Variants in KLF3 observed in about 807,000 individuals in gnomAD.
The protein encoded by KLF3 is Krueppel-like factor 3.
Under a neutral mutation model 32.7 loss-of-function variants are expected in KLF3, and 6 were observed. The observed-to-expected ratio is 0.18, with a 90% CI of 0.10 to 0.36. The LOEUF (loss-of-function observed/expected upper bound fraction) is 0.36, where lower values mean the gene tolerates loss of function less well. Ranked by LOEUF, KLF3 falls within the 10% of genes least tolerant of loss-of-function variation. KLF3 has a pLI of 1.00. For missense variants in KLF3, 338 were observed against 449.7 expected, an observed-to-expected ratio of 0.75 and a Z score of 2.25; for synonymous variants, 145 against 172.8, an observed-to-expected ratio of 0.84 and a Z score of 1.26.
At chr4:38,667,441 C>T (rs1722079183) in intron 1 of KLF3, among the ~76,000 whole-genome samples, 1 of 152,210 alleles carries the variant, frequency 6.6e-6, no homozygotes, top group Non-Finnish European at 1.5e-5. Context: ...CTTGATATTG[C>T]TTAAGACGCC....
rs1470040557 is a variant in KLF3, at chr4:38,699,936, T to C, written c.*2673T>C. The C allele has an allele frequency of 6.6e-6, 1 of 152,232 alleles. No individual in the cohort carries two copies. The highest frequency in any genetic ancestry group is 2.4e-5 in the African/African-American group (1 of 41,464). 9.4% of individuals were successfully genotyped at this position (152,232 alleles called of 1,614,324 possible). A position where few individuals can be genotyped will look rare whatever the true frequency, so the allele number is the denominator to read the frequency against. ...GATGCCCTTGAACATGTTTTAATGATGTGTGTCATGTTACTATCAATGGTG... is the reference window on the plus strand; with the variant it reads ...GATGCCCTTGAACATGTTTTAATGACGTGTGTCATGTTACTATCAATGGTG... On this transcript the variant is annotated 3_prime_UTR_variant, in exon 6 of 6. Transcript: ENST00000261438.
chr4:38,672,433 G>C (rs961022720), intron 1 of KLF3, among the ~76,000 whole-genome samples: 1 of 152,252 alleles, frequency 6.6e-6, no homozygotes, highest in African/African-American at 2.4e-5. Context: ...AGGCGGCCTT[G>C]GATCCCCCAG....
In KLF3 at chr4:38,694,758, G is replaced by A. The variant is rs138417483; in HGVS notation, c.708G>A (p.Ser236=). ...TTGGCTTTCACAGGAATCACCCTTC[G>A]GTCATCGTGCAGCCTGGGAAGAGAC... ...PQALLQENHP[S]VIVQPGKRPL... The change falls in exon 5 of 6, where the codon TCG becomes TCA. Residue 236 remains serine, a synonymous_variant. Coordinates refer to ENST00000261438, the MANE Select transcript of KLF3 (RefSeq NM_016531.6). 6.5e-4 allele frequency: 1,015 copies of A among 1,566,980 alleles called. No homozygotes were observed. Among genetic ancestry groups the A allele is most frequent in the Non-Finnish European group, 7.7e-4 (891 of 1,164,458 alleles).
chr4:38,674,908 T>G lies in KLF3; in HGVS notation c.-39-5679T>G, dbSNP rs764572929. Among the ~76,000 whole-genome samples the G allele has an allele frequency of 3.3e-5, 5 of 152,180 alleles. No homozygotes were observed. Among genetic ancestry groups the G allele is most frequent in the African/African-American group, 4.8e-5 (2 of 41,446 alleles). The stretch of plus-strand genomic sequence containing the variant: ...TGCTCTAGCCTCCAGGCAAGCTGCT[T>G]TCAGAGGAGGTTTAGTAACCCCCTA... On this transcript the variant is annotated intron_variant, in intron 1 of 5. Coordinates refer to ENST00000261438, the MANE Select transcript of KLF3 (RefSeq NM_016531.6). This position sits in a 1 kb window ranked among gnomAD's most constrained non-coding sequence, Gnocchi z 4.1.
At chr4:38,677,196 A>T (rs1242751712) in intron 1 of KLF3, among the ~76,000 whole-genome samples, 1 of 151,868 alleles carries the variant, frequency 6.6e-6, no homozygotes, top group Non-Finnish European at 1.5e-5. Flanking sequence ...TCCTATCCTC[A>T]GTGATCCACC....
chr4:38,690,611 G>A (rs1722848610), intron 4 of KLF3: 1 of 152,220 alleles, frequency 6.6e-6, no homozygotes, highest in Non-Finnish European at 1.5e-5. Context: ...GATTGTAGTT[G>A]TGATTGTCTT....
chr4:38,664,891 G>A (rs1267726405), intron 1 of KLF3: 1 of 152,082 alleles, frequency 6.6e-6, no homozygotes, highest in Non-Finnish European at 1.5e-5. Context: ...TTTGGAGAAA[G>A]GTAGCGCCGC....
intron 2 of KLF3, 44 bp downstream of exon 2, chr4:38,680,726 T>C (rs758440170): frequency 1.4e-6 from 2 of 1,425,150 alleles, no homozygotes; most frequent in Admixed American, 3.4e-5. Context: ...TTTTTCCAAG[T>C]GATGATAACA....
rs192278825 is a variant in KLF3 at position 38,671,400 on chromosome 4, G to C, written c.-40+6939G>C. 1.3e-5 allele frequency among the ~76,000 whole-genome samples: 2 copies of C among 152,222 alleles called. No individual in the cohort carries two copies. Among genetic ancestry groups the C allele is most frequent in the African/African-American group, 4.8e-5 (2 of 41,454 alleles). ...ATAATTGCCTAATTTGGGGCCTTCA[G>C]AATGTGTCTTTTGATCTTGCATCCA... On this transcript the variant is annotated intron_variant, in intron 1 of 5. Coordinates refer to ENST00000261438, the MANE Select transcript of KLF3 (RefSeq NM_016531.6). The surrounding 1 kb of genome is among the most constrained non-coding windows in gnomAD (Gnocchi z 4.4).
At chr4:38,680,965 G>T (rs1029263523) in intron 2 of KLF3, 5 of 272,228 alleles carry the variant, frequency 1.8e-5, no homozygotes, top group Non-Finnish European at 3.0e-5. Flanking sequence ...CAGGAGAGTC[G>T]CTTGAACCCG....
rs374745533 is a variant in KLF3, at chr4:38,688,864, G to C, written c.337G>C (p.Gly113Arg). 3 of 1,614,084 alleles carry C rather than the reference G, an allele frequency of 1.9e-6. No individual in the cohort carries two copies. Among genetic ancestry groups the C allele is most frequent in the African/African-American group, 2.7e-5 (2 of 74,918 alleles). ...AAAAAAATACTCACCCCCTTCTCCA[G>C]GCGTGCAGCCCTTCGGCGTGCCGCT... ...PIKKYSPPSP[G>R]VQPFGVPLSM... Residue 113 changes from glycine (G) to arginine (R), a missense_variant, in exon 3 of 6, where the codon GGC (glycine) becomes CGC (arginine). Gly to Arg is a moderately radical substitution (Grantham distance 125, BLOSUM62 -2). This residue lies in a region of KLF3 where 272 missense variants were observed against 313.4 expected (regional missense o/e 0.87). Coordinates refer to ENST00000261438, the MANE Select transcript of KLF3 (RefSeq NM_016531.6). The surrounding 1 kb of genome is among the most constrained non-coding windows in gnomAD (Gnocchi z 4.9).
chr4:38,693,788 T>C (rs1722959260), intron 4 of KLF3, among the ~76,000 whole-genome samples: 1 of 152,202 alleles, frequency 6.6e-6, no homozygotes, highest in African/African-American at 2.4e-5. Flanking sequence ...ATTACTTACA[T>C]TAATCAGCAG....
chr4:38,691,472 C>T (rs1722876922), intron 4 of KLF3, among the ~76,000 whole-genome samples: 1 of 152,148 alleles, frequency 6.6e-6, no homozygotes, highest in Non-Finnish European at 1.5e-5. Context: ...TGCTATAAAA[C>T]TAAATAAAAC....
chr4:38,696,930 T>G, intron 5 of KLF3, 152 bp from the exon 6 acceptor site: 1 of 600,142 alleles, frequency 1.7e-6, no homozygotes, highest in Admixed American at 3.6e-5. Flanking sequence ...CATTTTCTTC[T>G]TGCTTGTCTT....
chr4:38,669,074 C>CA (rs1722123633), intron 1 of KLF3, among the ~76,000 whole-genome samples: 1 of 152,266 alleles, frequency 6.6e-6, no homozygotes, highest in South Asian at 2.1e-4. Flanking sequence ...TCTTAGGCAG[C>CA]ATTTCTTGTT....
At chr4:38,669,971 A>G (rs1167383050) in intron 1 of KLF3, among the ~76,000 whole-genome samples, 2 of 144,376 alleles carry the variant, frequency 1.4e-5, no homozygotes, top group South Asian at 2.2e-4. Flanking sequence ...GAATGTGACC[A>G]TATTCTCTGG....
At chr4:38,668,307 T>C (rs1722101012) in intron 1 of KLF3, among the ~76,000 whole-genome samples, 1 of 151,986 alleles carries the variant, frequency 6.6e-6, no homozygotes, top group African/African-American at 2.4e-5. Flanking sequence ...TTTTGGAAAG[T>C]GCTTTTGTAA....
chr4:38,683,431 C>G (rs1442885371), intron 2 of KLF3, among the ~76,000 whole-genome samples: 1 of 152,120 alleles, frequency 6.6e-6, no homozygotes, highest in African/African-American at 2.4e-5. Flanking sequence ...TGCTTTGAGG[C>G]TTGGGGTCAC....
chr4:38,665,213 C>T (rs1025044519), intron 1 of KLF3, among the ~76,000 whole-genome samples: 1 of 152,110 alleles, frequency 6.6e-6, no homozygotes, highest in Non-Finnish European at 1.5e-5. Context: ...TTCCTGGGGG[C>T]ATGGAGAGAA....
Sources: allele counts gnomAD v4.1 joint callset (sites outside exome capture counted in the v4.1 genomes callset), GRCh38; gene constraint gnomAD v4.1.1; regional missense constraint gnomAD v4.1.1; non-coding constraint Gnocchi (gnomAD v3.1); transcripts MANE v1.5; gene names NCBI Gene and HGNC (gene_info 2026-07-23, HGNC 2026-07-21).